The following MECOM variants were observed in gnomAD, a reference collection of about 807,000 sequenced individuals.
MECOM encodes the protein MDS1 and EVI1 complex locus.
Under a neutral mutation model 116.3 loss-of-function variants are expected in MECOM, and 13 were observed. The observed-to-expected ratio is 0.11, with a 90% CI of 0.07 to 0.18. The LOEUF is 0.18. MECOM is among the 10% of genes least tolerant of loss of function. The pLI is 1.00. For missense variants in MECOM, 1,299 were observed against 1,509.0 expected, an observed-to-expected ratio of 0.86 and a Z score of 2.31; for synonymous variants, 528 against 535.2, an observed-to-expected ratio of 0.99 and a Z score of 0.19.
At chr3:169,412,886 G>A (rs548864472) in intron 1 of MECOM, among the ~76,000 whole-genome samples, 1 of 152,286 alleles carries the variant, frequency 6.6e-6, no homozygotes, top group South Asian at 2.1e-4. Context: ...TCAGTTCAGT[G>A]ACTGTTGAAT....
intron 2 of MECOM, among the ~76,000 whole-genome samples, chr3:169,206,769 A>T (rs1308036532): frequency 6.6e-6 from 1 of 151,730 alleles, no homozygotes; most frequent in Non-Finnish European, 1.5e-5. Flanking sequence ...AAAAAAAAAA[A>T]AATTAAACCT....
intron 2 of MECOM, among the ~76,000 whole-genome samples, chr3:169,295,446 TG>T (rs1715409791): frequency 6.6e-6 from 1 of 152,190 alleles, no homozygotes; most frequent in African/African-American, 2.4e-5. Flanking sequence ...TGTATAATTA[TG>T]AAAAAACATT....
At chr3:169,440,978 T>C (rs1400259542) in intron 1 of MECOM, among the ~76,000 whole-genome samples, 2 of 152,216 alleles carry the variant, frequency 1.3e-5, no homozygotes, top group Non-Finnish European at 2.9e-5. Flanking sequence ...TCTGCAGAGC[T>C]GACAATACCT....
rs1471211896 is a variant in MECOM at position 169,282,805 on chromosome 3, A to G, written c.375+98382T>C. On this transcript the variant is annotated intron_variant, in intron 2 of 16. Transcript: ENST00000651503. Reference sequence around the variant, plus strand: ...ATAAATTAATCAATTATGCTACTGTACTAATATATAATATGATATAATAAT... The same window carrying G: ...ATAAATTAATCAATTATGCTACTGTGCTAATATATAATATGATATAATAAT... Among the ~76,000 whole-genome samples the G allele has an allele frequency of 1.2e-4, 18 of 151,830 alleles. 1 individual carries two copies. Among genetic ancestry groups the G allele is most frequent in the Admixed American group, 1.2e-3 (18 of 15,216 alleles).
rs12636668 is a variant in MECOM, at chr3:169,298,472, T to G, written c.375+82715A>C. 0.017 allele frequency among the ~76,000 whole-genome samples: 2,633 copies of G among 151,908 alleles called. 241 individuals are homozygous for G. In the East Asian group the frequency reaches 0.29, roughly 17 times the overall value. ...ATATAAACCATATTTTGACATCTATTAATATTTCCATCTATTTATATATAC... is the reference window on the plus strand; with the variant it reads ...ATATAAACCATATTTTGACATCTATGAATATTTCCATCTATTTATATATAC... On this transcript the variant is annotated intron_variant, in intron 2 of 16. Transcript: ENST00000651503.
chr3:169,503,612 T>C lies in MECOM; in HGVS notation c.38-122088A>G, dbSNP rs193113386. 6.3e-4 allele frequency among the ~76,000 whole-genome samples: 96 copies of C among 152,324 alleles called. 2 individuals carry two copies. The highest frequency in any genetic ancestry group is 1.7e-3 in the Admixed American group (26 of 15,306). ...ACCTGCTACATTACACTTCAAGAAA[T>C]TTAACTTATATCAATCAAAATTTGC... is the stretch of plus-strand genomic sequence containing the variant. On this transcript the variant is annotated intron_variant, in intron 1 of 16. Transcript: ENST00000651503.
chr3:169,141,517 C>G (rs1410011864), intron 3 of MECOM, among the ~76,000 whole-genome samples: 2 of 152,000 alleles, frequency 1.3e-5, no homozygotes, highest in African/African-American at 2.4e-5. Flanking sequence ...GAGCAAAAAA[C>G]AGACCTAGAG....
chr3:169,099,801 AAGGC>A, intron 12 of MECOM, among the ~76,000 whole-genome samples: 1 of 152,244 alleles, frequency 6.6e-6, no homozygotes, highest in East Asian at 1.9e-4. Context: ...TACTGTGTGC[AAGGC>A]ATTGAACATT....
chr3:169,633,625 C>A (rs1271464433), intron 1 of MECOM, among the ~76,000 whole-genome samples: 1 of 152,110 alleles, frequency 6.6e-6, no homozygotes, highest in Non-Finnish European at 1.5e-5. Flanking sequence ...CACACACACT[C>A]TGTGTCGATC....
intron 4 of MECOM, among the ~76,000 whole-genome samples, chr3:169,129,433 T>C (rs567781882): frequency 6.6e-6 from 1 of 151,810 alleles, no homozygotes; most frequent in Admixed American, 6.6e-5. Context: ...AGTTTCAGTA[T>C]GAGAAGTCAA....
intron 1 of MECOM, among the ~76,000 whole-genome samples, chr3:169,662,990 T>TC (rs1483006996): frequency 1.4e-4 from 18 of 130,546 alleles, no homozygotes; most frequent in Admixed American, 4.5e-4. Flanking sequence ...CCTCTTCTCT[T>TC]CCCCCCCACC....
intron 1 of MECOM, among the ~76,000 whole-genome samples, chr3:169,573,436 T>A (rs952747877): frequency 3.9e-5 from 6 of 152,178 alleles, no homozygotes; most frequent in Admixed American, 2.0e-4. Context: ...TCCCGTGGGC[T>A]GGTCATCATG....
intron 1 of MECOM, among the ~76,000 whole-genome samples, chr3:169,661,914 A>G (rs533354988): frequency 6.6e-6 from 1 of 152,302 alleles, no homozygotes; most frequent in South Asian, 2.1e-4. Context: ...CGAGTGTGGG[A>G]GAGAGAACCG....
chr3:169,483,721 G>GT lies in MECOM; in HGVS notation c.38-102198dup. On this transcript the variant is annotated intron_variant, in intron 1 of 16. Coordinates refer to ENST00000651503, the MANE Select transcript of MECOM (RefSeq NM_004991.4). ...TCGTCCTGGTTAATCTGGAAGTAAC[G>GT]TAATTCGTAACTCTCTTTGCTGTTA... The GT allele has an allele frequency of 1.9e-6, 3 of 1,586,804 alleles. No homozygotes were observed. In the South Asian group the frequency reaches 3.3e-5, roughly 18 times the overall value.
At chr3:169,135,258 G>T (rs1285229811) in intron 3 of MECOM, among the ~76,000 whole-genome samples, 1 of 151,942 alleles carries the variant, frequency 6.6e-6, no homozygotes, top group African/African-American at 2.4e-5. Flanking sequence ...TCCTATCAGG[G>T]TTTTATGTAA....
intron 2 of MECOM, among the ~76,000 whole-genome samples, chr3:169,198,294 T>C (rs1748698165): frequency 6.6e-6 from 1 of 152,008 alleles, no homozygotes; most frequent in Admixed American, 6.6e-5. Context: ...ATGTCTTAAA[T>C]CAAATCTTTA....
intron 2 of MECOM, among the ~76,000 whole-genome samples, chr3:169,241,334 CA>C (rs1451564818): frequency 1.3e-5 from 2 of 152,046 alleles, no homozygotes; most frequent in Non-Finnish European, 2.9e-5. Flanking sequence ...AAAAACTTGG[CA>C]GGATAACTAG....
chr3:169,330,445 A>G (rs1394137482), intron 2 of MECOM, among the ~76,000 whole-genome samples: 1 of 152,196 alleles, frequency 6.6e-6, no homozygotes, highest in Non-Finnish European at 1.5e-5. Context: ...ACATAATGAC[A>G]TCTAGTTCAA....
intron 1 of MECOM, among the ~76,000 whole-genome samples, chr3:169,482,647 C>T (rs772237204): frequency 6.6e-6 from 1 of 152,156 alleles, no homozygotes; most frequent in Non-Finnish European, 1.5e-5. Flanking sequence ...CACCTTCTAA[C>T]AAGATGAAGT....
Sources: allele counts gnomAD v4.1 joint callset (sites outside exome capture counted in the v4.1 genomes callset), GRCh38; gene constraint gnomAD v4.1.1; transcripts MANE v1.5; gene names NCBI Gene and HGNC (gene_info 2026-07-23, HGNC 2026-07-21).